THADA: variants seen among roughly 807,000 people sequenced by gnomAD.
THADA encodes the protein tRNA (32-2'-O)-methyltransferase regulator THADA.
Under a neutral mutation model 219.8 loss-of-function variants are expected in THADA, and 213 were observed. That is an observed-to-expected ratio of 0.97 (90% CI 0.87 to 1.09). The LOEUF (loss-of-function observed/expected upper bound fraction) is 1.09. Ranked by LOEUF, THADA falls within the 50% of genes least tolerant of loss-of-function variation. The pLI is 0.00. For synonymous variants in THADA, 1,018 were observed against 828.9 expected (o/e 1.23, Z -3.92); for missense variants, 2,956 against 2,311.3 (o/e 1.28, Z -5.72).
intron 4 of THADA, among the ~76,000 whole-genome samples, chr2:43,588,015 G>A (rs1024699229): frequency 2.6e-5 from 4 of 152,014 alleles, no homozygotes; most frequent in Admixed American, 2.0e-4. Flanking sequence ...GTCACTAGAG[G>A]GATGACTTAA....
At chr2:43,354,920 G>T (rs1215599428) in intron 29 of THADA, among the ~76,000 whole-genome samples, 1 of 151,266 alleles carries the variant, frequency 6.6e-6, no homozygotes, top group African/African-American at 2.4e-5. Context: ...TTTACAAGGG[G>T]TTTTTCCCCC....
At chr2:43,280,064 G>C (rs1026188982) in intron 35 of THADA, among the ~76,000 whole-genome samples, 168 bp from the exon 36 acceptor site, 1 of 152,168 alleles carries the variant, frequency 6.6e-6, no homozygotes, top group African/African-American at 2.4e-5. Flanking sequence ...CATTGGCAAA[G>C]ACAGACTCCT....
chr2:43,582,286 C>T (rs986656897), intron 7 of THADA, among the ~76,000 whole-genome samples: 1 of 152,110 alleles, frequency 6.6e-6, no homozygotes, highest in Admixed American at 6.5e-5. Flanking sequence ...CATTTGAGGT[C>T]TGGAGTTTGG....
intron 36 of THADA, among the ~76,000 whole-genome samples, chr2:43,252,372 G>A (rs1227647630): frequency 6.6e-6 from 1 of 152,124 alleles, no homozygotes; most frequent in East Asian, 1.9e-4. Flanking sequence ...CATTGCGAAC[G>A]TTTAGTGGGT....
intron 23 of THADA, 149 bp downstream of exon 23, chr2:43,508,499 C>T: frequency 4.1e-6 from 3 of 731,686 alleles, no homozygotes; most frequent in East Asian, 2.9e-5. Flanking sequence ...ACCATCCCCA[C>T]ATTAAAACAA....
In THADA at chr2:43,527,827, G is replaced by A. The variant is rs1210698688; in HGVS notation, c.3374+52C>T. ...CAACTAAATTCTACTCCAAGCATAT[G>A]CTTTGTATATTTAGTCTTTTTAAAA... On this transcript the variant is annotated intron_variant, in intron 22 of 37. Transcript: ENST00000405975. 11 of 1,283,724 alleles carry A rather than the reference G, an allele frequency of 8.6e-6. No individual in the cohort carries two copies. In the Admixed American group the frequency reaches 1.8e-4, roughly 21 times the overall value. The allele number at this position is 1,283,724 out of a possible 1,614,324, so 79.5% of individuals were successfully genotyped here.
chr2:43,350,713 G>A (rs534957932), intron 29 of THADA, among the ~76,000 whole-genome samples: 2 of 152,210 alleles, frequency 1.3e-5, no homozygotes, highest in Non-Finnish European at 2.9e-5. Flanking sequence ...TGCTTGGTGG[G>A]CACTTGCTGT....
At chr2:43,273,762 A>G (rs1672404394) in intron 36 of THADA, among the ~76,000 whole-genome samples, 1 of 152,110 alleles carries the variant, frequency 6.6e-6, no homozygotes, top group Admixed American at 6.5e-5. Context: ...AAAATGTCAC[A>G]GTGACCCAGG....
intron 29 of THADA, among the ~76,000 whole-genome samples, chr2:43,361,422 G>T (rs1287442634): frequency 1.3e-5 from 2 of 152,176 alleles, no homozygotes; most frequent in African/African-American, 4.8e-5. Flanking sequence ...CCTACATGTG[G>T]TTTCAATTCT....
At chr2:43,443,519 T>C (rs1214751059) in intron 26 of THADA, among the ~76,000 whole-genome samples, 1 of 151,774 alleles carries the variant, frequency 6.6e-6, no homozygotes, top group Non-Finnish European at 1.5e-5. Context: ...GCCCTGGGGG[T>C]AAATTCTCCA....
chr2:43,319,495 G>C (rs116742671), intron 31 of THADA, among the ~76,000 whole-genome samples: 2 of 152,046 alleles, frequency 1.3e-5, no homozygotes, highest in Non-Finnish European at 2.9e-5. Flanking sequence ...TGGGTGAGAC[G>C]GTTTTGCATG....
At chr2:43,593,063 A>G (rs968083285) in intron 1 of THADA, among the ~76,000 whole-genome samples, 1 of 152,228 alleles carries the variant, frequency 6.6e-6, no homozygotes, top group Non-Finnish European at 1.5e-5. Context: ...GAAATGTCAT[A>G]GGGCTCTTCT....
chr2:43,424,219 G>T (rs542549544), intron 28 of THADA, among the ~76,000 whole-genome samples: 2 of 152,322 alleles, frequency 1.3e-5, no homozygotes, highest in African/African-American at 4.8e-5. Context: ...ATACCTTACA[G>T]AGAGGAAGGA....
chr2:43,297,220 G>A (rs1675537307), intron 31 of THADA, among the ~76,000 whole-genome samples: 1 of 106,400 alleles, frequency 9.4e-6, no homozygotes, highest in Admixed American at 8.8e-5. Context: ...GAGCGCCTCT[G>A]CCCGGCCGAG....
At chr2:43,448,555 CCTTT>C (rs1245786403) in intron 26 of THADA, among the ~76,000 whole-genome samples, 60 of 110,444 alleles carry the variant, frequency 5.4e-4, no homozygotes, top group Non-Finnish European at 7.9e-4. Flanking sequence ...CACTTTTCTT[CCTTT>C]CTTTTTTTTT....
intron 35 of THADA, among the ~76,000 whole-genome samples, chr2:43,283,070 C>T (rs539891554): frequency 2.0e-5 from 3 of 152,318 alleles, no homozygotes; most frequent in Non-Finnish European, 4.4e-5. Context: ...TGAATTCTCA[C>T]AAGATCTGAT....
At chr2:43,573,025 T>TGGTC (rs1699473191) in intron 11 of THADA, 33 bp from the exon 12 acceptor site, 2 of 1,551,752 alleles carry the variant, frequency 1.3e-6, no homozygotes, top group Admixed American at 1.9e-5. Flanking sequence ...CATTACTGTA[T>TGGTC]TATGCAATGA....
chr2:43,570,516 G>T lies in THADA; in HGVS notation c.2065-6C>A, dbSNP rs1421875695. ...TCCTGTATCCTACAAAACAACTTTTGAAACAAAGGAAATGAAGCACAGGTG... is the reference window on the plus strand; with the variant it reads ...TCCTGTATCCTACAAAACAACTTTTTAAACAAAGGAAATGAAGCACAGGTG... On this transcript the variant is annotated splice_region_variant and splice_polypyrimidine_tract_variant and intron_variant, in intron 13 of 37. Coordinates refer to ENST00000405975, the MANE Select transcript of THADA (RefSeq NM_022065.5). 6.2e-7 allele frequency: 1 copy of T among 1,602,554 alleles called. No homozygotes were observed. The highest frequency in any genetic ancestry group is 8.5e-7 in the Non-Finnish European group (1 of 1,176,704).
chr2:43,395,631 C>G (rs188770997), intron 29 of THADA, among the ~76,000 whole-genome samples: 6 of 152,326 alleles, frequency 3.9e-5, no homozygotes, highest in African/African-American at 1.4e-4. Context: ...CTTTTACTCT[C>G]ATTCTCTCAT....
Sources: gnomAD v4.1 joint callset for allele counts (sites outside exome capture counted in the v4.1 genomes callset) on GRCh38, gnomAD v4.1.1 for gene constraint, MANE v1.5 for transcripts, NCBI Gene and HGNC (gene_info 2026-07-23, HGNC 2026-07-21) for gene names.